The following DYSF variants were observed in gnomAD, a reference collection of about 807,000 sequenced individuals.
DYSF encodes dystrophy-associated fer-1-like 1.
In DYSF, 212 loss-of-function variants were observed where a neutral mutation model predicts 274.9. The ratio of observed to expected loss-of-function variants is 0.77; its 90% CI spans 0.69 to 0.86. The LOEUF (loss-of-function observed/expected upper bound fraction) is 0.86. Ranked by LOEUF, DYSF falls within the 40% of genes least tolerant of loss-of-function variation. The pLI is 0.00. For synonymous variants in DYSF, 1,091 were observed against 1,078.7 expected (o/e 1.01, Z -0.22); for missense variants, 2,666 against 2,783.2 (o/e 0.96, Z 0.95).
intron 7 of DYSF, among the ~76,000 whole-genome samples, chr2:71,514,187 C>T (rs2086416471): frequency 1.3e-5 from 2 of 149,048 alleles, no homozygotes; most frequent in African/African-American, 2.5e-5. Flanking sequence ...AGAGATTCAG[C>T]ATGTCTTTGC....
intron 43 of DYSF, among the ~76,000 whole-genome samples, chr2:71,658,638 A>G (rs1234938945): frequency 1.3e-5 from 2 of 152,204 alleles, no homozygotes; most frequent in African/African-American, 4.8e-5. Flanking sequence ...AGAGAAAAGG[A>G]GGAGGAAGCA....
At chr2:71,490,432 C>T (rs1032226407) in intron 3 of DYSF, among the ~76,000 whole-genome samples, 14 of 152,130 alleles carry the variant, frequency 9.2e-5, no homozygotes, top group South Asian at 2.1e-4. Context: ...CTCCGCCTCC[C>T]GGGTTCAAGT....
At chr2:71,602,538 T>C in intron 35 of DYSF, 1 of 497,400 alleles carries the variant, frequency 2.0e-6, no homozygotes, top group South Asian at 2.1e-5. Context: ...CCAGCGTCCC[T>C]CTGCACTGAC....
rs577903012 is a variant in DYSF at position 71,505,330 on chromosome 2, C to T, written c.345+2011C>T. Among the ~76,000 whole-genome samples, 22 of 152,334 alleles carry T rather than the reference C, an allele frequency of 1.4e-4. No individual in the cohort carries two copies. In the East Asian group the frequency reaches 1.5e-3, roughly 11 times the overall value. On this transcript the variant is annotated intron_variant, in intron 4 of 55. Transcript: ENST00000410020. ...AACAACATTGAGGGTTCTCGCTGGC[C>T]GCTCACTGAGACCTCATTTCTGAGC...
upstream of DYSF, among the ~76,000 whole-genome samples, chr2:71,465,564 G>A (rs577957533): frequency 2.6e-5 from 4 of 152,330 alleles, no homozygotes; most frequent in East Asian, 7.7e-4. Flanking sequence ...CACAGCACTG[G>A]TTGGGGGCAG....
At chr2:71,553,608 G>C (rs2091115587) in intron 20 of DYSF, among the ~76,000 whole-genome samples, 199 bp from the exon 21 acceptor site, 1 of 152,188 alleles carries the variant, frequency 6.6e-6, no homozygotes, top group Non-Finnish European at 1.5e-5. Context: ...AGGGAACACG[G>C]GTACGGGCCA....
chr2:71,648,352 A>G (rs1412525894), intron 42 of DYSF, among the ~76,000 whole-genome samples: 1 of 152,198 alleles, frequency 6.6e-6, no homozygotes, highest in Non-Finnish European at 1.5e-5. Flanking sequence ...GAAGGAGCAC[A>G]GGGCAGAAGG....
chr2:71,513,950 G>A, intron 7 of DYSF, 29 bp downstream of exon 7: 4 of 1,613,694 alleles, frequency 2.5e-6, no homozygotes, highest in South Asian at 1.1e-5. Flanking sequence ...CTGACCCCAG[G>A]CTCCTCTTCA....
At chr2:71,654,574 G>A (rs776884442) in intron 42 of DYSF, among the ~76,000 whole-genome samples, 46 of 152,100 alleles carry the variant, frequency 3.0e-4, no homozygotes, top group Non-Finnish European at 6.3e-4. Flanking sequence ...CTTGAGGCCA[G>A]GAGTTGGAGA....
chr2:71,686,351 G>T, intron 55 of DYSF, 103 bp from the exon 56 acceptor site: 6 of 1,453,094 alleles, frequency 4.1e-6, no homozygotes, highest in Non-Finnish European at 5.8e-6. Context: ...TTGCCTGTTG[G>T]CAGCTTAGCC....
chr2:71,478,412 C>T (rs1042057090), intron 1 of DYSF, among the ~76,000 whole-genome samples: 2 of 151,816 alleles, frequency 1.3e-5, no homozygotes, highest in African/African-American at 4.8e-5. Flanking sequence ...GGGGTTTCAC[C>T]GTGTTAGCCA....
At chr2:71,484,045 C>CTTT (rs59780652) in intron 3 of DYSF, among the ~76,000 whole-genome samples, 846 of 67,552 alleles carry the variant, frequency 0.013, 14 homozygotes, top group Non-Finnish European at 0.016. Context: ...GGAGATTTCC[C>CTTT]TTTTTTTTTT....
At chr2:71,677,145 A>G (rs770928266) in intron 52 of DYSF, among the ~76,000 whole-genome samples, 5 of 152,204 alleles carry the variant, frequency 3.3e-5, no homozygotes, top group Non-Finnish European at 4.4e-5. Flanking sequence ...AGTGCTTAAC[A>G]AATGGTAGCT....
At chr2:71,569,994 T>C in intron 27 of DYSF, 60 bp downstream of exon 27, 3 of 1,452,948 alleles carry the variant, frequency 2.1e-6, no homozygotes, top group South Asian at 2.3e-5. Context: ...AGGCACCTGG[T>C]GCTCAGGGAC....
intron 12 of DYSF, among the ~76,000 whole-genome samples, chr2:71,524,632 G>C (rs1298612754): frequency 6.6e-6 from 1 of 152,202 alleles, no homozygotes; most frequent in Non-Finnish European, 1.5e-5. Flanking sequence ...GGCACAGCCT[G>C]ACCTTGCTAT....
chr2:71,614,185 G>T (rs2093832192), intron 40 of DYSF, among the ~76,000 whole-genome samples: 1 of 152,158 alleles, frequency 6.6e-6, no homozygotes, highest in Non-Finnish European at 1.5e-5. Flanking sequence ...ATGGAGAAAG[G>T]TCTCACTGTG....
In DYSF at chr2:71,623,365, C is replaced by G. The variant is rs2094145931; in HGVS notation, c.4527+2756C>G. Among the ~76,000 whole-genome samples the G allele has an allele frequency of 2.1e-5, 3 of 142,522 alleles. No homozygotes were observed. In the South Asian group the frequency reaches 6.9e-4, roughly 33 times the overall value. The allele number at this position is 142,522 out of a possible 152,430, so 93.5% of individuals were successfully genotyped here. A position where few individuals can be genotyped will look rare whatever the true frequency, so the allele number is the denominator to read the frequency against. On this transcript the variant is annotated intron_variant, in intron 41 of 55. Coordinates refer to ENST00000410020, the MANE Select transcript of DYSF (RefSeq NM_001130987.2). Reference sequence around the variant, plus strand: ...AACAGTCCCCAGAGTGTGATATTCCCCTTCCTGTGTCCACGTGATCTCATT... The same window carrying G: ...AACAGTCCCCAGAGTGTGATATTCCGCTTCCTGTGTCCACGTGATCTCATT...
intron 30 of DYSF, among the ~76,000 whole-genome samples, chr2:71,575,344 A>T (rs912693595): frequency 3.9e-5 from 6 of 152,056 alleles, no homozygotes; most frequent in African/African-American, 1.5e-4. Context: ...TAGGAGAGGA[A>T]GCTCTCTGGG....
intron 24 of DYSF, among the ~76,000 whole-genome samples, chr2:71,564,707 C>A (rs1407369048): frequency 6.6e-6 from 1 of 152,212 alleles, no homozygotes; most frequent in Non-Finnish European, 1.5e-5. Flanking sequence ...AATCTGGACC[C>A]ACTGGAGAGC....
Sources: gnomAD v4.1 joint callset for allele counts (sites outside exome capture counted in the v4.1 genomes callset) on GRCh38, gnomAD v4.1.1 for gene constraint, MANE v1.5 for transcripts, NCBI Gene and HGNC (gene_info 2026-07-23, HGNC 2026-07-21) for gene names.